The following CSMD3 variants were observed in gnomAD, a reference collection of about 807,000 sequenced individuals.
CSMD3 encodes CUB and sushi domain-containing protein 3.
CSMD3 carries 177 observed loss-of-function variants against 435.2 expected under a neutral mutation model. The observed-to-expected ratio is 0.41, with a 90% confidence interval of 0.36 to 0.46. The LOEUF is 0.46. Ranked by LOEUF, CSMD3 falls within the 20% of genes least tolerant of loss-of-function variation. The pLI is 0.34. For missense variants in CSMD3, 4,265 were observed against 4,504.6 expected (o/e 0.95, Z 1.52); for synonymous variants, 1,656 against 1,520.5 (o/e 1.09, Z -2.07).
At chr8:113,421,256 A>C (rs2094607549) in intron 1 of CSMD3, among the ~76,000 whole-genome samples, 1 of 152,188 alleles carries the variant, frequency 6.6e-6, no homozygotes, top group Non-Finnish European at 1.5e-5. Context: ...GGTTTGTCCC[A>C]AGATAATTGC....
intron 40 of CSMD3, among the ~76,000 whole-genome samples, chr8:112,348,471 A>G (rs1825863077): frequency 6.6e-6 from 1 of 152,196 alleles, no homozygotes; most frequent in African/African-American, 2.4e-5. Context: ...ACATTCGCTG[A>G]ATCAGCCTCT....
intron 41 of CSMD3, among the ~76,000 whole-genome samples, chr8:112,342,790 TAAAC>T (rs983595052): frequency 3.6e-4 from 54 of 151,854 alleles, no homozygotes; most frequent in Non-Finnish European, 6.5e-4. Context: ...TTTAAAATAT[TAAAC>T]AACTTTCTAA....
chr8:112,677,523 C>T (rs1366467384), intron 16 of CSMD3, among the ~76,000 whole-genome samples: 1 of 148,346 alleles, frequency 6.7e-6, no homozygotes, highest in Non-Finnish European at 1.5e-5. Flanking sequence ...TACTAGATAA[C>T]TGAGCCACAT....
chr8:113,376,871 G>C (rs1445720768), intron 1 of CSMD3: 2 of 1,610,112 alleles, frequency 1.2e-6, no homozygotes, highest in Non-Finnish European at 1.7e-6. Flanking sequence ...CGGATGATCT[G>C]GAAGATGAAG....
In CSMD3 at chr8:113,028,881, G is replaced by A. The variant is rs138856984; in HGVS notation, c.918-9702C>T. Among the ~76,000 whole-genome samples the A allele has an allele frequency of 1.1e-3, 173 of 151,710 alleles. 1 individual carries two copies. The highest frequency in any genetic ancestry group is 4.0e-3 in the African/African-American group (166 of 41,510). On this transcript the variant is annotated intron_variant, in intron 5 of 70. Transcript: ENST00000297405. Reference sequence around the variant, plus strand: ...CGTAGAAGCTGCTGCAAGCTATCCAGACGGTCTAGCTAAAATAATTGATGA... The same window carrying A: ...CGTAGAAGCTGCTGCAAGCTATCCAAACGGTCTAGCTAAAATAATTGATGA...
At chr8:112,761,102 G>T (rs1027143038) in intron 13 of CSMD3, among the ~76,000 whole-genome samples, 1 of 151,856 alleles carries the variant, frequency 6.6e-6, no homozygotes, top group African/African-American at 2.4e-5. Flanking sequence ...ATTTTCCATG[G>T]GACACCTTCA....
chr8:112,392,663 CT>C (rs746552890), intron 35 of CSMD3, among the ~76,000 whole-genome samples: 2,079 of 147,438 alleles, frequency 0.014, 52 homozygotes, highest in African/African-American at 0.047. Flanking sequence ...CTCATACGTA[CT>C]TTTTTTTTTT....
At chr8:112,825,002 C>T (rs2132452725) in intron 12 of CSMD3, among the ~76,000 whole-genome samples, 2 of 152,188 alleles carry the variant, frequency 1.3e-5, no homozygotes, top group African/African-American at 4.8e-5. Flanking sequence ...TTTGTTCATT[C>T]CTTTTCATTG....
At chr8:112,937,759 CTTACTG>C (rs1340400300) in intron 9 of CSMD3, among the ~76,000 whole-genome samples, 4 of 152,050 alleles carry the variant, frequency 2.6e-5, no homozygotes, top group African/African-American at 9.7e-5. Context: ...TACTACTTAT[CTTACTG>C]TTACTGTTTC....
At chr8:113,001,213 A>G (rs928320427) in intron 6 of CSMD3, among the ~76,000 whole-genome samples, 8 of 152,046 alleles carry the variant, frequency 5.3e-5, no homozygotes, top group African/African-American at 1.9e-4. Flanking sequence ...ATGAAAAACA[A>G]AAAACAATTT....
intron 1 of CSMD3, among the ~76,000 whole-genome samples, chr8:113,378,110 C>A (rs2094397422): frequency 6.6e-6 from 1 of 152,100 alleles, no homozygotes; most frequent in Non-Finnish European, 1.5e-5. Flanking sequence ...ATAACATAGA[C>A]AGAAAACATC....
chr8:112,411,832 C>T (rs1349479255), intron 32 of CSMD3, among the ~76,000 whole-genome samples: 3 of 151,964 alleles, frequency 2.0e-5, no homozygotes, highest in Non-Finnish European at 2.9e-5. Flanking sequence ...AGGTATTTGC[C>T]TGGTTGAAAG....
chr8:112,533,505 T>A (rs139205327), intron 27 of CSMD3, among the ~76,000 whole-genome samples: 58 of 151,914 alleles, frequency 3.8e-4, no homozygotes, highest in African/African-American at 1.3e-3. Context: ...GTCAAAAAAC[T>A]GAAAAGATAC....
chr8:112,416,606 A>G (rs1168504396), intron 32 of CSMD3, among the ~76,000 whole-genome samples: 1 of 152,226 alleles, frequency 6.6e-6, no homozygotes, highest in Non-Finnish European at 1.5e-5. Context: ...ATAGAGGTTC[A>G]CTGATTTAGC....
intron 11 of CSMD3, among the ~76,000 whole-genome samples, chr8:112,851,623 G>C (rs1367218576): frequency 6.6e-6 from 1 of 152,074 alleles, no homozygotes; most frequent in Non-Finnish European, 1.5e-5. Context: ...AATTAGCCAG[G>C]TGTGGTGGCG....
At chr8:112,277,223 C>T (rs980752377) in intron 59 of CSMD3, among the ~76,000 whole-genome samples, 1 of 152,118 alleles carries the variant, frequency 6.6e-6, no homozygotes, top group African/African-American at 2.4e-5. Flanking sequence ...TTTTTAACAG[C>T]ACCTGAATCA....
chr8:113,410,928 AG>A (rs2094556210), intron 1 of CSMD3, among the ~76,000 whole-genome samples: 1 of 146,056 alleles, frequency 6.8e-6, no homozygotes, highest in African/African-American at 2.7e-5. Context: ...AAAGAAAGAA[AG>A]AAAGAAAGAA....
intron 32 of CSMD3, among the ~76,000 whole-genome samples, chr8:112,457,646 A>T (rs1304852890): frequency 1.3e-5 from 2 of 152,044 alleles, no homozygotes; most frequent in Non-Finnish European, 2.9e-5. Flanking sequence ...TGAGGAATTT[A>T]GGAGCAGGGA....
chr8:112,343,156 T>C (rs1825340514), intron 41 of CSMD3, among the ~76,000 whole-genome samples: 1 of 151,244 alleles, frequency 6.6e-6, no homozygotes, highest in Non-Finnish European at 1.5e-5. Flanking sequence ...AGCTATATAT[T>C]CAAGTTTTAA....
Sources: allele counts gnomAD v4.1 joint callset (sites outside exome capture counted in the v4.1 genomes callset), GRCh38; gene constraint gnomAD v4.1.1; transcripts MANE v1.5; gene names NCBI Gene and HGNC (gene_info 2026-07-23, HGNC 2026-07-21).